ZNF521: variants seen among roughly 807,000 people sequenced by gnomAD.
The protein encoded by ZNF521 is LYST-interacting protein 3.
A neutral mutation model predicts 105.5 loss-of-function variants in ZNF521; 14 were observed. The observed-to-expected ratio is 0.13, with a 90% CI of 0.09 to 0.21. The LOEUF (loss-of-function observed/expected upper bound fraction) is 0.21, where lower values mean the gene tolerates loss of function less well. Among genes scored for constraint, ZNF521 ranks in the 10% least tolerant of loss-of-function variants. The probability of loss-of-function intolerance (pLI) is 1.00; values close to 1 mark genes in which losing one functional copy is unlikely to be tolerated. For missense variants in ZNF521, 1,233 were observed against 1,629.7 expected (o/e 0.76, Z 4.19); for synonymous variants, 635 against 606.0 (o/e 1.05, Z -0.70).
chr18:25,351,283 AC>A (rs1224492163), intron 1 of ZNF521: 35 of 151,044 alleles, frequency 2.3e-4, no homozygotes, highest in African/African-American at 5.8e-4. Context: ...TAAAAAAAAA[AC>A]CCCAAAGACA....
chr18:25,096,549 G>C (rs540622293), intron 5 of ZNF521, among the ~76,000 whole-genome samples: 2 of 152,288 alleles, frequency 1.3e-5, no homozygotes, highest in African/African-American at 2.4e-5. Flanking sequence ...CCTCCAGACT[G>C]TGTGTCCCAT....
chr18:25,301,510 G>A (rs181075772), intron 3 of ZNF521, among the ~76,000 whole-genome samples: 1 of 152,302 alleles, frequency 6.6e-6, no homozygotes, highest in Admixed American at 6.5e-5. Flanking sequence ...CCTACACAGA[G>A]TTGACTTCCA....
intron 2 of ZNF521, among the ~76,000 whole-genome samples, chr18:25,324,759 A>T (rs1374681123): frequency 6.6e-6 from 1 of 152,194 alleles, no homozygotes. Context: ...AAATGATAAA[A>T]ACTCACTTTC....
chr18:25,266,740 G>A (rs570986930), intron 3 of ZNF521, among the ~76,000 whole-genome samples: 9 of 152,126 alleles, frequency 5.9e-5, no homozygotes, highest in Non-Finnish European at 8.8e-5. Context: ...CTTTTCCCAC[G>A]GTCTTCACAA....
At chr18:25,252,251 C>T (rs1180795083) in intron 3 of ZNF521, among the ~76,000 whole-genome samples, 3 of 151,804 alleles carry the variant, frequency 2.0e-5, no homozygotes, top group African/African-American at 7.3e-5. Context: ...ATTAACATAC[C>T]AAACTCATTT....
intron 5 of ZNF521, among the ~76,000 whole-genome samples, chr18:25,099,577 T>C (rs2033923992): frequency 6.6e-6 from 1 of 152,188 alleles, no homozygotes; most frequent in Admixed American, 6.5e-5. Context: ...GATAATTACC[T>C]TTTATTTGTC....
At chr18:25,075,022 TGAAA>T (rs1325236133) in intron 7 of ZNF521, among the ~76,000 whole-genome samples, 1 of 152,152 alleles carries the variant, frequency 6.6e-6, no homozygotes, top group East Asian at 1.9e-4. Context: ...AACATGATCC[TGAAA>T]GAAAGACAGT....
rs186485298 is a variant in ZNF521 at position 25,314,575 on chromosome 18, A to T, written c.220+7433T>A. On this transcript the variant is annotated intron_variant, in intron 3 of 7. Coordinates refer to ENST00000361524, the MANE Select transcript of ZNF521 (RefSeq NM_015461.3). ...TTCCTAAAAAATGTGAACAGGAAGA[A>T]TATTTGTAAAGAAGCTACAACCCTG... 1.8e-4 allele frequency among the ~76,000 whole-genome samples: 27 copies of T among 152,368 alleles called. No individual in the cohort carries two copies. The East Asian group carries it at 5.0e-3, about 28-fold the overall frequency.
At chr18:25,179,116 C>CATTTTTTTTTTTTTTTTTTTT (rs2035583758) in intron 5 of ZNF521, among the ~76,000 whole-genome samples, 1 of 52,440 alleles carries the variant, frequency 1.9e-5, no homozygotes, top group Non-Finnish European at 3.5e-5. Context: ...TTCTTTATTC[C>CATTTTTTTTTTTTTTTTTTTT]TTTTTTTTTT....
At chr18:25,169,178 C>T (rs1468947057) in intron 5 of ZNF521, among the ~76,000 whole-genome samples, 1 of 152,182 alleles carries the variant, frequency 6.6e-6, no homozygotes, top group Non-Finnish European at 1.5e-5. Context: ...TTTAGCCTCA[C>T]TAGTTTCTAT....
In ZNF521 at chr18:25,112,644, T is replaced by A. The variant is rs190570463; in HGVS notation, c.3659-20563A>T. Among the ~76,000 whole-genome samples the A allele has an allele frequency of 1.3e-4, 20 of 152,270 alleles. No individual in the cohort carries two copies. The East Asian group carries it at 3.7e-3, about 28-fold the overall frequency. The stretch of plus-strand genomic sequence containing the variant: ...CAAGCATTTTGTCTGTAGTAGGGAA[T>A]GTGGGGTGCGGGGGGGCAGAGTCCA... On this transcript the variant is annotated intron_variant, in intron 5 of 7. Coordinates refer to ENST00000361524, the MANE Select transcript of ZNF521 (RefSeq NM_015461.3).
intron 5 of ZNF521, among the ~76,000 whole-genome samples, chr18:25,188,868 A>G (rs1207259514): frequency 6.6e-6 from 1 of 152,234 alleles, no homozygotes; most frequent in African/African-American, 2.4e-5. Context: ...TAAGACACTG[A>G]ATCTTCGATC....
intron 4 of ZNF521, among the ~76,000 whole-genome samples, chr18:25,200,553 C>G (rs527657810): frequency 6.6e-6 from 1 of 152,242 alleles, no homozygotes; most frequent in South Asian, 2.1e-4. Flanking sequence ...CTATCTAAGA[C>G]ACTCTCCATT....
At chr18:25,129,554 T>A (rs1183032164) in intron 5 of ZNF521, among the ~76,000 whole-genome samples, 1 of 152,008 alleles carries the variant, frequency 6.6e-6, no homozygotes, top group Non-Finnish European at 1.5e-5. Context: ...ATAAGCTATA[T>A]AATGAGAGAA....
At chr18:25,112,051 G>C (rs895650640) in intron 5 of ZNF521, among the ~76,000 whole-genome samples, 2 of 152,158 alleles carry the variant, frequency 1.3e-5, no homozygotes, top group African/African-American at 2.4e-5. Flanking sequence ...AAATCTGCAG[G>C]AGGCTCCAGT....
intron 5 of ZNF521, among the ~76,000 whole-genome samples, chr18:25,116,994 C>T (rs1345624439): frequency 5.2e-5 from 7 of 135,572 alleles, no homozygotes; most frequent in African/African-American, 2.1e-4. Context: ...TACACACACA[C>T]ATATATATAC....
At chr18:25,192,739 C>T (rs1286698215) in intron 5 of ZNF521, among the ~76,000 whole-genome samples, 3 of 150,886 alleles carry the variant, frequency 2.0e-5, no homozygotes, top group Non-Finnish European at 3.0e-5. Flanking sequence ...TACCTACCCT[C>T]AATGGAGGTA....
chr18:25,317,776 C>CA (rs1365019913), intron 3 of ZNF521, among the ~76,000 whole-genome samples: 2 of 152,040 alleles, frequency 1.3e-5, no homozygotes, highest in African/African-American at 4.8e-5. Context: ...AGAAAATCCA[C>CA]AAAAAATACC....
At chr18:25,308,640 T>C (rs1026770842) in intron 3 of ZNF521, among the ~76,000 whole-genome samples, 4 of 132,944 alleles carry the variant, frequency 3.0e-5, no homozygotes, top group Admixed American at 2.2e-4. Flanking sequence ...CAAGTTGGCC[T>C]TAATGACATC....
Sources: gnomAD v4.1 joint callset for allele counts (sites outside exome capture counted in the v4.1 genomes callset) on GRCh38, gnomAD v4.1.1 for gene constraint, MANE v1.5 for transcripts, NCBI Gene and HGNC (gene_info 2026-07-23, HGNC 2026-07-21) for gene names.